The following CERT1 variants were observed in gnomAD, a reference collection of about 807,000 sequenced individuals.
The protein encoded by CERT1 is ceramide transfer protein.
In CERT1, 31 loss-of-function variants were observed where a neutral mutation model predicts 87.9. That is an observed-to-expected ratio of 0.35 (90% confidence interval 0.27 to 0.48). The LOEUF (loss-of-function observed/expected upper bound fraction) is 0.48, where lower values mean the gene tolerates loss of function less well. Ranked by LOEUF, CERT1 falls within the 20% of genes least tolerant of loss-of-function variation. The pLI, the probability that CERT1 is intolerant of heterozygous loss-of-function variation, is 0.99. For synonymous variants in CERT1, 289 were observed against 250.9 expected, an observed-to-expected ratio of 1.15 and a Z score of -1.44; for missense variants, 487 against 758.0, an observed-to-expected ratio of 0.64 and a Z score of 4.20.
chr5:75,392,230 T>C (rs1016145135), intron 11 of CERT1, among the ~76,000 whole-genome samples: 2 of 152,182 alleles, frequency 1.3e-5, no homozygotes, highest in African/African-American at 4.8e-5. Context: ...GTTCCTTCAA[T>C]GGTAGGCCAC....
rs747511069 is a variant in CERT1, at chr5:75,419,375, G to C, written c.645C>G (p.Asp215Glu). Residue 215 changes from aspartate (D) to glutamate (E), a missense_variant, in exon 6 of 17, where the codon GAC becomes GAG. Physicochemically the swap from Asp to Glu is conservative, Grantham distance 45. Around this residue, in one of 8 missense-constraint regions of CERT1, gnomAD observed 173 missense variants for 302.2 expected, o/e 0.57. Coordinates refer to ENST00000643780, the MANE Select transcript of CERT1 (RefSeq NM_001379029.1). ...DDFPTTRSDG[D>E]FLHSTNGNKE... is the part of the protein sequence containing the mutation. The stretch of plus-strand genomic sequence containing the variant: ...TATTGCCGTTGGTACTATGCAAGAA[G>C]TCACCATCAGAACGCGTTGTAGGAA... The C allele has an allele frequency of 6.2e-7, 1 of 1,612,988 alleles. No homozygotes were observed. Among genetic ancestry groups the C allele is most frequent in the Non-Finnish European group, 8.5e-7 (1 of 1,179,132 alleles).
intron 7 of CERT1, among the ~76,000 whole-genome samples, chr5:75,413,472 A>G (rs1252916096): frequency 6.6e-6 from 1 of 152,216 alleles, no homozygotes; most frequent in Non-Finnish European, 1.5e-5. Flanking sequence ...AGCCAGGTGC[A>G]GTGGCATGTG....
chr5:75,495,119 A>G (rs1239749647), intron 2 of CERT1, among the ~76,000 whole-genome samples: 1 of 152,226 alleles, frequency 6.6e-6, no homozygotes, highest in Non-Finnish European at 1.5e-5. Context: ...TAATTAATTT[A>G]TAAGTAATCT....
At chr5:75,423,607 G>A (rs1452129314) in intron 5 of CERT1, among the ~76,000 whole-genome samples, 2 of 152,098 alleles carry the variant, frequency 1.3e-5, no homozygotes, top group African/African-American at 2.4e-5. Context: ...CAGATATGAC[G>A]GTGTATGCCT....
intron 7 of CERT1, among the ~76,000 whole-genome samples, chr5:75,416,187 T>A (rs1318732645): frequency 6.6e-6 from 1 of 152,208 alleles, no homozygotes; most frequent in Non-Finnish European, 1.5e-5. Context: ...ACTTTTCACC[T>A]TTTGACAAGC....
chr5:75,499,514 T>A (rs906315645), intron 2 of CERT1, among the ~76,000 whole-genome samples: 3 of 152,150 alleles, frequency 2.0e-5, no homozygotes, highest in African/African-American at 7.2e-5. Flanking sequence ...CTGCCATGAT[T>A]GTAAGTTTCC....
chr5:75,434,261 G>T (rs1763997707), intron 3 of CERT1, among the ~76,000 whole-genome samples: 1 of 146,224 alleles, frequency 6.8e-6, no homozygotes, highest in African/African-American at 2.5e-5. Context: ...AGATGATCAT[G>T]TGTTTTTCAT....
chr5:75,493,888 A>G (rs1766929777), intron 2 of CERT1, among the ~76,000 whole-genome samples: 1 of 152,144 alleles, frequency 6.6e-6, no homozygotes, highest in Admixed American at 6.5e-5. Flanking sequence ...AGAAATGTCT[A>G]TAATTCTACC....
chr5:75,453,922 T>A (rs1219938082), intron 3 of CERT1, among the ~76,000 whole-genome samples: 1 of 152,122 alleles, frequency 6.6e-6, no homozygotes, highest in Non-Finnish European at 1.5e-5. Context: ...AAGGGTCTTC[T>A]GGGAAGGATG....
chr5:75,419,129 TG>T lies in CERT1; in HGVS notation c.679+211del, dbSNP rs760828898. Among the ~76,000 whole-genome samples the T allele has an allele frequency of 3.3e-5, 5 of 152,326 alleles. No homozygotes were observed. The East Asian group carries it at 9.6e-4, about 29-fold the overall frequency. On this transcript the variant is annotated intron_variant, in intron 6 of 16. Transcript: ENST00000643780. ...AAATTGTCTTTTCAGCAAATGATGC[TG>T]GGACAGCTGGACATCCTTATGTAAA...
At chr5:75,470,828 T>C (rs778494321) in intron 2 of CERT1, among the ~76,000 whole-genome samples, 16 of 152,118 alleles carry the variant, frequency 1.1e-4, no homozygotes, top group Non-Finnish European at 1.6e-4. Flanking sequence ...CCCTTATATA[T>C]AGAAAACCCT....
intron 11 of CERT1, among the ~76,000 whole-genome samples, chr5:75,395,647 A>G (rs1200359648): frequency 6.6e-5 from 10 of 151,088 alleles, no homozygotes. Flanking sequence ...AGATCACTTG[A>G]GGTCAGGAGT....
chr5:75,433,377 T>C (rs1239491179), intron 3 of CERT1, among the ~76,000 whole-genome samples: 1 of 152,204 alleles, frequency 6.6e-6, no homozygotes, highest in Admixed American at 6.5e-5. Context: ...TTCAGCAGTG[T>C]TTTATAATTC....
intron 11 of CERT1, among the ~76,000 whole-genome samples, chr5:75,395,555 CAAAAAAAAAAA>C (rs35109034): frequency 4.2e-5 from 2 of 48,012 alleles, no homozygotes; most frequent in African/African-American, 7.2e-5. Context: ...TGTCTCTTTA[CAAAAAAAAAAA>C]AAAAAAAAAA....
At chr5:75,412,259 C>A (rs1762961563) in intron 7 of CERT1, among the ~76,000 whole-genome samples, 1 of 152,042 alleles carries the variant, frequency 6.6e-6, no homozygotes, top group African/African-American at 2.4e-5. Flanking sequence ...AATGTAAGCA[C>A]CACACTTTTG....
At chr5:75,453,495 A>C (rs543721431) in intron 3 of CERT1, among the ~76,000 whole-genome samples, 27 of 152,318 alleles carry the variant, frequency 1.8e-4, no homozygotes, top group Admixed American at 4.6e-4. Flanking sequence ...ATACATACTT[A>C]CAGCACAGAA....
At chr5:75,391,119 C>T (rs1762013992) in intron 11 of CERT1, among the ~76,000 whole-genome samples, 2 of 152,180 alleles carry the variant, frequency 1.3e-5, no homozygotes, top group African/African-American at 2.4e-5. Context: ...AGTGCACCAC[C>T]ACATCCAGTT....
intron 3 of CERT1, among the ~76,000 whole-genome samples, chr5:75,440,293 ATTT>A (rs1180519113): frequency 1.3e-5 from 2 of 152,036 alleles, no homozygotes; most frequent in African/African-American, 4.8e-5. Flanking sequence ...ATTAAACAGG[ATTT>A]TTATCATATT....
intron 2 of CERT1, among the ~76,000 whole-genome samples, chr5:75,485,130 C>G (rs575957584): frequency 6.6e-6 from 1 of 151,898 alleles, no homozygotes; most frequent in Admixed American, 6.5e-5. Context: ...GAAAATTAAA[C>G]AATTTTTTTG....
Sources: allele counts gnomAD v4.1 joint callset (sites outside exome capture counted in the v4.1 genomes callset), GRCh38; gene constraint gnomAD v4.1.1; regional missense constraint gnomAD v4.1.1; transcripts MANE v1.5; gene names NCBI Gene and HGNC (gene_info 2026-07-23, HGNC 2026-07-21).